Variants in AGBL1 observed in about 807,000 individuals in gnomAD.
AGBL1 encodes AGBL carboxypeptidase 1.
AGBL1 carries 130 observed loss-of-function variants against 118.9 expected under a neutral mutation model. That is an observed-to-expected ratio of 1.09 (90% CI 0.95 to 1.26). The LOEUF (loss-of-function observed/expected upper bound fraction) is 1.26, where lower values mean the gene tolerates loss of function less well. Among genes scored for constraint, AGBL1 ranks in the 50% most tolerant of loss-of-function variants. The probability of loss-of-function intolerance (pLI) is 0.00; values close to 1 mark genes in which losing one functional copy is unlikely to be tolerated. For synonymous variants in AGBL1, 555 were observed against 478.9 expected (o/e 1.16, Z -2.08); for missense variants, 1,584 against 1,298.1 (o/e 1.22, Z -3.38).
At chr15:86,828,744 A>G (rs1297919318) in intron 22 of AGBL1, among the ~76,000 whole-genome samples, 2 of 152,028 alleles carry the variant, frequency 1.3e-5, no homozygotes, top group African/African-American at 4.8e-5. Context: ...GTTTTAAGAA[A>G]CCAAATTTGT....
intron 18 of AGBL1, among the ~76,000 whole-genome samples, chr15:86,485,117 C>T (rs975753106): frequency 5.3e-5 from 8 of 152,194 alleles, no homozygotes; most frequent in South Asian, 2.1e-4. Context: ...CCAGAACAGG[C>T]GGGAATAGAA....
intron 17 of AGBL1, among the ~76,000 whole-genome samples, chr15:86,329,030 G>T (rs1181698617): frequency 6.6e-6 from 1 of 152,190 alleles, no homozygotes; most frequent in Non-Finnish European, 1.5e-5. Flanking sequence ...AGCAGTAGGT[G>T]CTAGAATTGT....
At chr15:86,340,043 C>T (rs1469072823) in intron 17 of AGBL1, among the ~76,000 whole-genome samples, 2 of 151,788 alleles carry the variant, frequency 1.3e-5, no homozygotes, top group Non-Finnish European at 2.9e-5. Context: ...ATTTTCATTT[C>T]TTCTGAAGCA....
At chr15:86,478,206 A>C (rs1167146072) in intron 18 of AGBL1, among the ~76,000 whole-genome samples, 2 of 152,200 alleles carry the variant, frequency 1.3e-5, no homozygotes. Context: ...ACCCCTACTG[A>C]ACATAGTGTT....
At chr15:86,275,577 A>C (rs2079238073) in intron 15 of AGBL1, among the ~76,000 whole-genome samples, 1 of 152,248 alleles carries the variant, frequency 6.6e-6, no homozygotes, top group South Asian at 2.1e-4. Flanking sequence ...ACAAATGGAA[A>C]TAACCTGAGT....
intron 23 of AGBL1, among the ~76,000 whole-genome samples, chr15:86,978,731 C>G (rs1008113462): frequency 6.6e-6 from 1 of 152,140 alleles, no homozygotes; most frequent in African/African-American, 2.4e-5. Flanking sequence ...TAGAGATAAG[C>G]TCTAAGTCAC....
Position 86,704,150 on chromosome 15 carries a change from A to G in AGBL1, c.3158+29714A>G, listed in dbSNP as rs555894923. ...ATACAAAAATTAACTCAAGATGCAT[A>G]AAGACTTAAATGTAAAATCCCAAAC... On this transcript the variant is annotated intron_variant, in intron 22 of 22. Coordinates refer to ENST00000614907, the MANE Select transcript of AGBL1 (RefSeq NM_001386094.1). 1.4e-4 allele frequency among the ~76,000 whole-genome samples: 21 copies of G among 152,290 alleles called. No homozygotes were observed. In the Middle Eastern group the frequency reaches 0.014, roughly 99 times the overall value.
intron 20 of AGBL1, among the ~76,000 whole-genome samples, chr15:86,547,965 T>G (rs1207778352): frequency 6.6e-6 from 1 of 152,176 alleles, no homozygotes; most frequent in Non-Finnish European, 1.5e-5. Flanking sequence ...CCACATAGTA[T>G]ATAACTCCCT....
At chr15:86,700,965 A>C (rs2086348425) in intron 22 of AGBL1, among the ~76,000 whole-genome samples, 1 of 152,112 alleles carries the variant, frequency 6.6e-6, no homozygotes, top group South Asian at 2.1e-4. Flanking sequence ...TGTGAATCTG[A>C]GCATCCTCCC....
chr15:86,870,787 C>A (rs574529497), intron 22 of AGBL1, among the ~76,000 whole-genome samples: 2 of 152,262 alleles, frequency 1.3e-5, no homozygotes, highest in South Asian at 4.1e-4. Flanking sequence ...GCTGTCTATA[C>A]TATAGGGGAT....
intron 24 of AGBL1, among the ~76,000 whole-genome samples, chr15:87,024,043 AACAG>A (rs1442495455): frequency 1.3e-5 from 2 of 152,068 alleles, no homozygotes; most frequent in African/African-American, 2.4e-5. Context: ...AAAGAGCACA[AACAG>A]ACAATCTAAG....
intron 21 of AGBL1, among the ~76,000 whole-genome samples, chr15:86,590,481 T>A (rs373285807): frequency 3.3e-5 from 5 of 152,310 alleles, no homozygotes; most frequent in Non-Finnish European, 2.9e-5. Flanking sequence ...GATTGTAAGT[T>A]TCCTGAGGCC....
chr15:86,409,397 G>A (rs2081579448), intron 18 of AGBL1, among the ~76,000 whole-genome samples: 1 of 152,168 alleles, frequency 6.6e-6, no homozygotes, highest in African/African-American at 2.4e-5. Flanking sequence ...AGTGTTAAAT[G>A]ATGCATAGTG....
intron 17 of AGBL1, among the ~76,000 whole-genome samples, chr15:86,376,416 G>T (rs1229148913): frequency 6.6e-6 from 1 of 152,208 alleles, no homozygotes; most frequent in African/African-American, 2.4e-5. Context: ...TACAGGGAAA[G>T]AATTCAAATT....
intron 21 of AGBL1, among the ~76,000 whole-genome samples, chr15:86,645,190 T>C (rs1192484487): frequency 6.6e-6 from 1 of 152,226 alleles, no homozygotes; most frequent in Non-Finnish European, 1.5e-5. Flanking sequence ...ATTCTTGATC[T>C]TAGATGACAG....
At chr15:86,238,505 A>G (rs2078590329) in intron 6 of AGBL1, among the ~76,000 whole-genome samples, 2 of 152,222 alleles carry the variant, frequency 1.3e-5, no homozygotes, top group African/African-American at 2.4e-5. Flanking sequence ...CCAAGAGTCT[A>G]CCATGTTAGA....
chr15:86,572,812 G>T (rs998766121), intron 21 of AGBL1, among the ~76,000 whole-genome samples: 2 of 152,246 alleles, frequency 1.3e-5, no homozygotes, highest in African/African-American at 4.8e-5. Context: ...CCTGCCATCA[G>T]TGTGGCACTG....
At chr15:86,998,850 T>C (rs1250345441) in intron 24 of AGBL1, among the ~76,000 whole-genome samples, 1 of 151,578 alleles carries the variant, frequency 6.6e-6, no homozygotes, top group Non-Finnish European at 1.5e-5. Flanking sequence ...ACTTTATTTT[T>C]TCTTTTATAT....
At chr15:86,179,694 A>C (rs1010216954) in intron 5 of AGBL1, among the ~76,000 whole-genome samples, 4 of 152,192 alleles carry the variant, frequency 2.6e-5, no homozygotes, top group Non-Finnish European at 5.9e-5. Flanking sequence ...TATACTGGCG[A>C]TTCTAGTCAG....
Sources: gnomAD v4.1 joint callset for allele counts (sites outside exome capture counted in the v4.1 genomes callset) on GRCh38, gnomAD v4.1.1 for gene constraint, MANE v1.5 for transcripts, NCBI Gene and HGNC (gene_info 2026-07-23, HGNC 2026-07-21) for gene names.